WSCD2: variants seen among roughly 807,000 people sequenced by gnomAD.
The protein encoded by WSCD2 is WSC domain sialate O sulfotransferase 2, also known as sialate:O-sulfotransferase 2.
A neutral mutation model predicts 55.7 loss-of-function variants in WSCD2; 28 were observed. The observed-to-expected ratio is 0.50, with a 90% CI of 0.37 to 0.69. WSCD2 has a LOEUF of 0.69. Ranked by LOEUF, WSCD2 falls within the 30% of genes least tolerant of loss-of-function variation. The probability of loss-of-function intolerance (pLI) is 0.00; values close to 1 mark genes in which losing one functional copy is unlikely to be tolerated. For synonymous variants in WSCD2, 301 were observed against 301.9 expected (o/e 1.00, Z 0.03); for missense variants, 616 against 762.1 (o/e 0.81, Z 2.26).
intron 1 of WSCD2, among the ~76,000 whole-genome samples, chr12:108,139,743 A>G (rs1392403371): frequency 1.3e-5 from 2 of 152,214 alleles, no homozygotes; most frequent in Non-Finnish European, 2.9e-5. Flanking sequence ...GCTCAGAACA[A>G]TATTCATCAT....
intron 1 of WSCD2, among the ~76,000 whole-genome samples, chr12:108,188,841 G>A (rs572520778): frequency 6.6e-5 from 10 of 152,316 alleles, no homozygotes; most frequent in Admixed American, 2.6e-4. Context: ...ATGGCATCAT[G>A]ACACTGAGGC....
At chr12:108,220,268 T>G (rs527539359) in intron 4 of WSCD2, among the ~76,000 whole-genome samples, 1 of 152,314 alleles carries the variant, frequency 6.6e-6, no homozygotes. Flanking sequence ...GAGGGTTCCA[T>G]TGGATAAGAT....
chr12:108,141,238 G>C (rs114143107), intron 1 of WSCD2, among the ~76,000 whole-genome samples: 3 of 151,984 alleles, frequency 2.0e-5, no homozygotes, highest in African/African-American at 7.3e-5. Context: ...AAAACTTTTT[G>C]TTCTTTTTTG....
chr12:108,197,447 A>T (rs548503266), intron 2 of WSCD2, among the ~76,000 whole-genome samples: 1 of 152,240 alleles, frequency 6.6e-6, no homozygotes, highest in Non-Finnish European at 1.5e-5. Context: ...GGATCAGGGG[A>T]TGTGGATTCA....
chr12:108,164,137 TCC>T lies in WSCD2; in HGVS notation c.-551-31144_-551-31143del, dbSNP rs1491089377. 1.8e-3 allele frequency among the ~76,000 whole-genome samples: 168 copies of T among 93,872 alleles called. 7 individuals carry two copies. The highest frequency in any genetic ancestry group is 2.5e-3 in the African/African-American group (49 of 19,772). 61.6% of individuals were successfully genotyped at this position (93,872 alleles called of 152,430 possible). A position where few individuals can be genotyped will look rare whatever the true frequency, so the allele number is the denominator to read the frequency against. On this transcript the variant is annotated intron_variant, in intron 1 of 8. Coordinates refer to ENST00000547525, the MANE Select transcript of WSCD2 (RefSeq NM_014653.4). Reference sequence around the variant, plus strand: ...ATTTATACTGTTGTTTAATCTTAAATCCTTTTTTTTTTTTTTTTTTTTTTTCA... The same window carrying T: ...ATTTATACTGTTGTTTAATCTTAAATTTTTTTTTTTTTTTTTTTTTTTTCA...
At chr12:108,149,034 C>G (rs1398879483) in intron 1 of WSCD2, among the ~76,000 whole-genome samples, 2 of 152,192 alleles carry the variant, frequency 1.3e-5, no homozygotes, top group Admixed American at 1.3e-4. Flanking sequence ...TCTGTTTAGT[C>G]AGCAGAGGAG....
intron 1 of WSCD2, among the ~76,000 whole-genome samples, chr12:108,176,702 T>C (rs2136984819): frequency 6.6e-6 from 1 of 152,350 alleles, no homozygotes; most frequent in South Asian, 2.1e-4. Flanking sequence ...ATGGTCAAAC[T>C]GTTTTCCAAA....
intron 8 of WSCD2, among the ~76,000 whole-genome samples, chr12:108,244,219 T>G (rs558992063): frequency 3.9e-4 from 60 of 152,364 alleles, no homozygotes; most frequent in Middle Eastern, 3.4e-3. Flanking sequence ...ATTGCCCAGT[T>G]TGCAGACAGC....
At chr12:108,205,985 C>G (rs969401051) in intron 2 of WSCD2, among the ~76,000 whole-genome samples, 17 of 152,168 alleles carry the variant, frequency 1.1e-4, no homozygotes, top group Admixed American at 5.9e-4. Flanking sequence ...ATAGGAAGCT[C>G]TGTTTGGTGC....
intron 1 of WSCD2, among the ~76,000 whole-genome samples, chr12:108,145,388 C>T (rs1316598047): frequency 1.3e-5 from 2 of 152,158 alleles, no homozygotes; most frequent in Non-Finnish European, 2.9e-5. Context: ...ACCCCTCTAC[C>T]GGACTGTCTG....
Position 108,221,742 on chromosome 12 carries a change from A to G in WSCD2, c.683-2997A>G, listed in dbSNP as rs967657305. Among the ~76,000 whole-genome samples, 3 of 152,218 alleles carry G rather than the reference A, an allele frequency of 2.0e-5. No homozygotes were observed. In the South Asian group the frequency reaches 6.2e-4, roughly 32 times the overall value. On this transcript the variant is annotated intron_variant, in intron 4 of 8. Transcript: ENST00000547525. ...AAATCATTGGAGCAGGCGTTCCCACACCTCTTTGAATGTTCTCAGGGTAGT... is the reference window on the plus strand; with the variant it reads ...AAATCATTGGAGCAGGCGTTCCCACGCCTCTTTGAATGTTCTCAGGGTAGT...
intron 1 of WSCD2, among the ~76,000 whole-genome samples, chr12:108,191,355 A>G (rs1883133041): frequency 6.6e-6 from 1 of 152,234 alleles, no homozygotes; most frequent in Non-Finnish European, 1.5e-5. Context: ...ATGACAGACT[A>G]GAGAGAGACT....
At chr12:108,239,065 C>T (rs978833104) in intron 7 of WSCD2, among the ~76,000 whole-genome samples, 1 of 152,180 alleles carries the variant, frequency 6.6e-6, no homozygotes, top group Admixed American at 6.5e-5. Context: ...GATCATGCCC[C>T]TCTTTTTTGC....
intron 1 of WSCD2, among the ~76,000 whole-genome samples, chr12:108,130,871 C>T (rs577956004): frequency 7.9e-5 from 12 of 152,218 alleles, no homozygotes; most frequent in Admixed American, 7.8e-4. Context: ...GAGCCCCATG[C>T]ACAGCTCATA....
At chr12:108,158,984 G>A (rs1878797531) in intron 1 of WSCD2, among the ~76,000 whole-genome samples, 3 of 152,090 alleles carry the variant, frequency 2.0e-5, no homozygotes, top group Non-Finnish European at 4.4e-5. Flanking sequence ...GTAACATCTT[G>A]CACACTACAG....
intron 4 of WSCD2, among the ~76,000 whole-genome samples, chr12:108,220,011 G>A (rs1887303503): frequency 6.6e-6 from 1 of 152,186 alleles, no homozygotes; most frequent in Non-Finnish European, 1.5e-5. Flanking sequence ...GTGGTGAAAA[G>A]CAGAGTGGAC....
intron 1 of WSCD2, among the ~76,000 whole-genome samples, chr12:108,193,323 G>T (rs1393607374): frequency 6.6e-6 from 1 of 152,190 alleles, no homozygotes; most frequent in African/African-American, 2.4e-5. Flanking sequence ...TTCTCCCTCA[G>T]TTGACTCTGA....
intron 1 of WSCD2, among the ~76,000 whole-genome samples, chr12:108,181,393 A>G (rs899146063): frequency 6.6e-6 from 1 of 152,190 alleles, no homozygotes; most frequent in African/African-American, 2.4e-5. Context: ...AGAATCCCAA[A>G]TAAATTAAGA....
At chr12:108,144,071 T>C (rs905043189) in intron 1 of WSCD2, among the ~76,000 whole-genome samples, 4 of 151,914 alleles carry the variant, frequency 2.6e-5, no homozygotes, top group African/African-American at 9.7e-5. Context: ...TTTTTTTTTT[T>C]CCAAGAGAAT....
Sources: gnomAD v4.1 joint callset for allele counts (sites outside exome capture counted in the v4.1 genomes callset) on GRCh38, gnomAD v4.1.1 for gene constraint, MANE v1.5 for transcripts, NCBI Gene and HGNC (gene_info 2026-07-23, HGNC 2026-07-21) for gene names.